The following CEP120 variants were observed in gnomAD, a reference collection of about 807,000 sequenced individuals.
The protein encoded by CEP120 is centrosomal protein 120.
In CEP120, 113 loss-of-function variants were observed where a neutral mutation model predicts 126.5. That is an observed-to-expected ratio of 0.89 (90% CI 0.77 to 1.04). The LOEUF (loss-of-function observed/expected upper bound fraction) is 1.04. CEP120 is among the 50% of genes least tolerant of loss of function. CEP120 has a pLI of 0.00. For synonymous variants in CEP120, 400 were observed against 394.3 expected (o/e 1.01, Z -0.17); for missense variants, 1,230 against 1,155.7 (o/e 1.06, Z -0.93).
At chr5:123,418,641 G>C in intron 1 of CEP120, 126 bp from the exon 2 acceptor site, 1 of 756,280 alleles carries the variant, frequency 1.3e-6, no homozygotes. Context: ...CTGTTGCTTA[G>C]GCTGGAGTTC....
chr5:123,402,116 A>G, intron 4 of CEP120: 2 of 1,578,820 alleles, frequency 1.3e-6, no homozygotes, highest in Non-Finnish European at 1.7e-6. Context: ...CCTCCAGGAC[A>G]AGGGGGCTCA....
chr5:123,353,549 A>T (rs567439344), intron 18 of CEP120, among the ~76,000 whole-genome samples: 1 of 151,820 alleles, frequency 6.6e-6, no homozygotes, highest in African/African-American at 2.4e-5. Context: ...CATTTTCTAA[A>T]ATCTTTGTGT....
At chr5:123,353,379 G>C (rs1382454118) in intron 18 of CEP120, among the ~76,000 whole-genome samples, 2 of 151,344 alleles carry the variant, frequency 1.3e-5, no homozygotes, top group Non-Finnish European at 1.5e-5. Flanking sequence ...GCTTGCATTT[G>C]TTTAGTAAAT....
chr5:123,354,454 G>A (rs867720106), intron 18 of CEP120, among the ~76,000 whole-genome samples: 14 of 151,702 alleles, frequency 9.2e-5, no homozygotes, highest in East Asian at 5.8e-4. Flanking sequence ...ACTTATTTTC[G>A]GTCTGTTTGC....
chr5:123,404,165 T>TCATAA (rs10628386), intron 4 of CEP120, among the ~76,000 whole-genome samples: 66,188 of 151,570 alleles, frequency 0.44, 14,334 homozygotes, highest in East Asian at 0.47. Flanking sequence ...ATATTCTTCT[T>TCATAA]CATATTTCCA....
chr5:123,389,435 A>G (rs1772242183), intron 8 of CEP120, among the ~76,000 whole-genome samples: 2 of 152,250 alleles, frequency 1.3e-5, no homozygotes, highest in South Asian at 4.1e-4. Flanking sequence ...TTAGAGAATT[A>G]TATTTTGAAG....
At chr5:123,393,974 G>A (rs908520691) in intron 5 of CEP120, among the ~76,000 whole-genome samples, 4 of 152,116 alleles carry the variant, frequency 2.6e-5, no homozygotes, top group Admixed American at 2.6e-4. Context: ...CTATTCTGTC[G>A]AAATTTAGAG....
chr5:123,377,056 C>A (rs773651120), intron 16 of CEP120, among the ~76,000 whole-genome samples: 2 of 152,090 alleles, frequency 1.3e-5, no homozygotes, highest in Non-Finnish European at 2.9e-5. Context: ...ACAATTCTCT[C>A]ATGAAATTTG....
chr5:123,402,750 T>C (rs1173857558), intron 4 of CEP120, among the ~76,000 whole-genome samples: 1 of 152,168 alleles, frequency 6.6e-6, no homozygotes, highest in Non-Finnish European at 1.5e-5. Flanking sequence ...AAATGGTGTA[T>C]ATGTGCTATG....
intron 4 of CEP120, among the ~76,000 whole-genome samples, chr5:123,407,315 T>A (rs930985570): frequency 2.6e-5 from 4 of 152,082 alleles, no homozygotes; most frequent in Non-Finnish European, 4.4e-5. Context: ...AAAAACAGAT[T>A]GTCAGAGTGG....
At chr5:123,417,539 C>T (rs1370028556) in intron 2 of CEP120, among the ~76,000 whole-genome samples, 1 of 151,828 alleles carries the variant, frequency 6.6e-6, no homozygotes, top group Non-Finnish European at 1.5e-5. Context: ...TAGAAAGAAA[C>T]CTTGATAGAA....
At chr5:123,364,377 C>A in intron 18 of CEP120, 119 bp downstream of exon 18, 2 of 446,834 alleles carry the variant, frequency 4.5e-6, no homozygotes, top group Non-Finnish European at 3.9e-6. Flanking sequence ...AGCCTCTAAT[C>A]TCAAAAAATA....
At chr5:123,401,004 G>A (rs1580717972) in intron 4 of CEP120, 1 of 1,555,892 alleles carries the variant, frequency 6.4e-7, no homozygotes, top group African/African-American at 1.4e-5. Context: ...GGAGTAGCTG[G>A]TGCGGCTGAA....
At chr5:123,379,097 G>A (rs763671423) in intron 14 of CEP120, among the ~76,000 whole-genome samples, 2 of 152,060 alleles carry the variant, frequency 1.3e-5, no homozygotes, top group African/African-American at 2.4e-5. Flanking sequence ...GAGATAAACC[G>A]GGTAAGGATG....
chr5:123,349,899 G>A, intron 19 of CEP120, 45 bp downstream of exon 19: 1 of 1,577,522 alleles, frequency 6.3e-7, no homozygotes, highest in Non-Finnish European at 8.7e-7. Flanking sequence ...TACCTTCCCT[G>A]AACCAAACTT....
At chr5:123,389,336 T>TA (rs1333280936) in intron 8 of CEP120, among the ~76,000 whole-genome samples, 2 of 152,330 alleles carry the variant, frequency 1.3e-5, no homozygotes, top group East Asian at 3.9e-4. Context: ...TCTAATCATT[T>TA]AAAAAATCTA....
At chr5:123,389,429 A>C (rs773412244) in intron 8 of CEP120, among the ~76,000 whole-genome samples, 21 of 152,214 alleles carry the variant, frequency 1.4e-4, no homozygotes, top group Admixed American at 5.2e-4. Flanking sequence ...GTTAATTTAG[A>C]GAATTATATT....
In CEP120 at chr5:123,399,312, A is replaced by G. The variant is rs1306409778; in HGVS notation, c.464-28T>C. 5 of 1,606,478 alleles carry G rather than the reference A, an allele frequency of 3.1e-6. No individual in the cohort carries two copies. In the African/African-American group the frequency reaches 4.0e-5, roughly 13 times the overall value. On this transcript the variant is annotated intron_variant, in intron 4 of 19. Transcript: ENST00000306467. ...TTACAGAGAAAAACACGATTAAACTACATTGTAGTTTGTCATAAACCATTA... is the reference window on the plus strand; with the variant it reads ...TTACAGAGAAAAACACGATTAAACTGCATTGTAGTTTGTCATAAACCATTA...
Position 123,345,352 on chromosome 5 carries a change from A to G in CEP120, c.*1167T>C, listed in dbSNP as rs1024105401. On this transcript the variant is annotated 3_prime_UTR_variant, in exon 20 of 20. Transcript: ENST00000306467. ...CCTCATTTGAAATGACCGAAAATTA[A>G]TGTTACCATATATCCTACTCTGCTT... 3.3e-5 allele frequency: 5 copies of G among 152,146 alleles called. No homozygotes were observed. The highest frequency in any genetic ancestry group is 4.4e-5 in the Non-Finnish European group (3 of 68,020). The allele number at this position is 152,146 out of a possible 1,614,324, so 9.4% of individuals were successfully genotyped here. A position where few individuals can be genotyped will look rare whatever the true frequency, so the allele number is the denominator to read the frequency against.
Sources: allele counts gnomAD v4.1 joint callset (sites outside exome capture counted in the v4.1 genomes callset), GRCh38; gene constraint gnomAD v4.1.1; transcripts MANE v1.5; gene names NCBI Gene and HGNC (gene_info 2026-07-23, HGNC 2026-07-21).